Variants in FOXP2 observed in about 807,000 individuals in gnomAD.
FOXP2 encodes the protein forkhead box protein P2.
FOXP2 carries 12 observed loss-of-function variants against 115.8 expected under a neutral mutation model. The ratio of observed to expected loss-of-function variants is 0.10; its 90% CI spans 0.07 to 0.17. FOXP2 has a LOEUF of 0.17. Among genes scored for constraint, FOXP2 ranks in the 10% least tolerant of loss-of-function variants. The pLI is 1.00. For missense variants in FOXP2, 629 were observed against 843.5 expected (o/e 0.75, Z 3.15); for synonymous variants, 328 against 297.7 (o/e 1.10, Z -1.05).
intron 1 of FOXP2, among the ~76,000 whole-genome samples, chr7:114,216,249 C>T (rs1187681719): frequency 6.6e-6 from 1 of 152,174 alleles, no homozygotes; most frequent in Non-Finnish European, 1.5e-5. Context: ...AGGAATAGAG[C>T]TTCCACACAA....
At chr7:114,437,834 G>GTCTGCTCAGT (rs1794424685) in intron 2 of FOXP2, among the ~76,000 whole-genome samples, 1 of 152,042 alleles carries the variant, frequency 6.6e-6, no homozygotes, top group Admixed American at 6.6e-5. Flanking sequence ...CAGTCTGTAG[G>GTCTGCTCAGT]TCTGCTCAGT....
At chr7:114,135,863 T>C (rs186187401) in intron 1 of FOXP2, among the ~76,000 whole-genome samples, 1 of 152,242 alleles carries the variant, frequency 6.6e-6, no homozygotes, top group Admixed American at 6.5e-5. Context: ...TTCCTAGTTC[T>C]CACCCTGAAG....
intron 16 of FOXP2, 44 bp from the exon 17 acceptor site, chr7:114,689,738 G>T: frequency 1.2e-6 from 2 of 1,610,212 alleles, no homozygotes; most frequent in South Asian, 1.1e-5. Flanking sequence ...AACTCTGTTT[G>T]TTGCTTACTT....
At chr7:114,107,827 G>GTT (rs1791158895) in intron 1 of FOXP2, among the ~76,000 whole-genome samples, 1 of 151,868 alleles carries the variant, frequency 6.6e-6, no homozygotes, top group African/African-American at 2.4e-5. Flanking sequence ...TGTAATCATT[G>GTT]TTTTTTCACG....
intron 2 of FOXP2, among the ~76,000 whole-genome samples, chr7:114,497,922 G>A (rs567114469): frequency 6.6e-6 from 1 of 152,170 alleles, no homozygotes; most frequent in East Asian, 1.9e-4. Context: ...ATGAGATTCA[G>A]ATTAAAAAAC....
In FOXP2 at chr7:114,629,972, G is replaced by C; in HGVS notation, c.564G>C (p.Gln188His). Residue 188 changes from glutamine (Q) to histidine (H), a missense_variant, in exon 5 of 17, where the codon CAG becomes CAC. By Grantham distance (24) the Gln-to-His change is conservative. Coordinates refer to ENST00000350908, the MANE Select transcript of FOXP2 (RefSeq NM_014491.4). The stretch of plus-strand genomic sequence containing the variant: ...AGCAGCAGCAGCAACAGCAGCAGCA[G>C]CAGCAACAGCATCCTGGAAAGCAAG... ...QQQQQQQQQQ[Q>H]QQQHPGKQAK... 1 of 1,611,094 alleles carries C rather than the reference G, an allele frequency of 6.2e-7. No individual in the cohort carries two copies. Among genetic ancestry groups the C allele is most frequent in the Non-Finnish European group, 8.5e-7 (1 of 1,179,424 alleles).
At chr7:114,509,297 T>G (rs564548736) in intron 2 of FOXP2, among the ~76,000 whole-genome samples, 1 of 152,228 alleles carries the variant, frequency 6.6e-6, no homozygotes, top group South Asian at 2.1e-4. Context: ...TTTGTTTTGT[T>G]TTTTGAGACA....
intron 1 of FOXP2, among the ~76,000 whole-genome samples, chr7:114,151,873 A>G (rs1246804069): frequency 6.6e-6 from 1 of 152,136 alleles, no homozygotes; most frequent in Non-Finnish European, 1.5e-5. Flanking sequence ...GTGAGAGGTT[A>G]TGTTCAGACT....
intron 2 of FOXP2, among the ~76,000 whole-genome samples, chr7:114,511,884 A>G (rs1798096166): frequency 6.6e-6 from 1 of 152,142 alleles, no homozygotes; most frequent in Non-Finnish European, 1.5e-5. Context: ...AATGTTTTAT[A>G]ATTATTATTG....
Position 114,661,059 on chromosome 7 carries a change from T to TTA in FOXP2, c.1648-1005_1648-1004insAT, listed in dbSNP as rs1258649987. ...ATGCTAGATCTGCTTATGCTTTTTT[T>TTA]TTTTTTTTAAGAATTCTTCTCTTAA... On this transcript the variant is annotated intron_variant, in intron 13 of 16. Coordinates refer to ENST00000350908, the MANE Select transcript of FOXP2 (RefSeq NM_014491.4). 2.2e-4 allele frequency among the ~76,000 whole-genome samples: 34 copies of TTA among 151,838 alleles called. No homozygotes were observed. The East Asian group carries it at 5.8e-3, about 26-fold the overall frequency.
Position 114,692,234 on chromosome 7 carries a change from C to T in FOXP2, c.*2308C>T. On this transcript the variant is annotated 3_prime_UTR_variant, in exon 17 of 17. Transcript: ENST00000350908. ...GAGAGTTGTACCATCAGAAGGGTGG[C>T]CTAAGACTACAATGCTAAAGTATGC... 1 of 453,816 alleles carries T rather than the reference C, an allele frequency of 2.2e-6. No homozygotes were observed. The allele number at this position is 453,816 out of a possible 1,614,324, so 28.1% of individuals were successfully genotyped here. A position where few individuals can be genotyped will look rare whatever the true frequency, so the allele number is the denominator to read the frequency against.
rs559118330 is a variant in FOXP2 at position 114,604,724 on chromosome 7, C to T, written c.259-23816C>T. On this transcript the variant is annotated intron_variant, in intron 3 of 16. Coordinates refer to ENST00000350908, the MANE Select transcript of FOXP2 (RefSeq NM_014491.4). ...GCCTCTATTTGCTCTCAAATGAGTC[C>T]GGGTAAATTCTGTGGTCACCCCATT... Among the ~76,000 whole-genome samples the T allele has an allele frequency of 2.2e-3, 341 of 152,112 alleles. 2 individuals carry two copies. The highest frequency in any genetic ancestry group is 8.0e-3 in the African/African-American group (333 of 41,482).
At chr7:114,154,336 T>G (rs925786504) in intron 1 of FOXP2, among the ~76,000 whole-genome samples, 15 of 149,066 alleles carry the variant, frequency 1.0e-4, no homozygotes, top group Admixed American at 2.0e-4. Context: ...ATAAGGTGGG[T>G]TTTTTTTTTC....
intron 2 of FOXP2, among the ~76,000 whole-genome samples, chr7:114,434,098 T>C (rs868750677): frequency 1.3e-4 from 19 of 151,974 alleles, no homozygotes; most frequent in South Asian, 4.1e-4. Flanking sequence ...CATTATCATA[T>C]TCAGGCAGTT....
intron 2 of FOXP2, among the ~76,000 whole-genome samples, chr7:114,289,140 T>G (rs1327076595): frequency 6.6e-6 from 1 of 151,868 alleles, no homozygotes; most frequent in African/African-American, 2.4e-5. Flanking sequence ...GCCTATGGAT[T>G]GTTTTTTGGT....
chr7:114,167,066 C>T (rs990470599), intron 1 of FOXP2, among the ~76,000 whole-genome samples: 1 of 152,142 alleles, frequency 6.6e-6, no homozygotes, highest in African/African-American at 2.4e-5. Context: ...AGTGACACTC[C>T]AAAGTATGAA....
chr7:114,372,745 G>A (rs1792044651), intron 2 of FOXP2, among the ~76,000 whole-genome samples: 1 of 151,042 alleles, frequency 6.6e-6, no homozygotes, highest in South Asian at 2.1e-4. Flanking sequence ...GTTTTGTTTT[G>A]TTTCCCCACG....
At chr7:114,641,571 A>C (rs760008345) in intron 6 of FOXP2, among the ~76,000 whole-genome samples, 5 of 152,102 alleles carry the variant, frequency 3.3e-5, no homozygotes, top group Non-Finnish European at 7.4e-5. Flanking sequence ...CAAAATGAAC[A>C]GATAATTGTC....
In FOXP2 at chr7:114,426,733, A is replaced by G. The variant is rs1223789049; in HGVS notation, c.168+54A>G. ...TAAAACAAATAAGCTTGTTTTATTG[A>G]ATATGAAAAATGTATTCATAGCAAA... On this transcript the variant is annotated intron_variant, in intron 2 of 16. Transcript: ENST00000350908. 5.8e-6 allele frequency: 9 copies of G among 1,558,440 alleles called. 1 individual carries two copies. Among genetic ancestry groups the G allele is most frequent in the South Asian group, 5.7e-5 (5 of 88,094 alleles).
Sources: gnomAD v4.1 joint callset for allele counts (sites outside exome capture counted in the v4.1 genomes callset) on GRCh38, gnomAD v4.1.1 for gene constraint, MANE v1.5 for transcripts, NCBI Gene and HGNC (gene_info 2026-07-23, HGNC 2026-07-21) for gene names.